The following PAX5 variants were observed in gnomAD, a reference collection of about 807,000 sequenced individuals.
PAX5 encodes the protein paired box protein Pax-5.
Under a neutral mutation model 43.7 loss-of-function variants are expected in PAX5, and 9 were observed. The ratio of observed to expected loss-of-function variants is 0.21; its 90% CI spans 0.12 to 0.36. PAX5 has a LOEUF of 0.36. Among genes scored for constraint, PAX5 ranks in the 10% least tolerant of loss-of-function variants. PAX5 has a pLI of 1.00. For missense variants in PAX5, 383 were observed against 532.7 expected, an observed-to-expected ratio of 0.72 and a Z score of 2.77; for synonymous variants, 228 against 214.3, an observed-to-expected ratio of 1.06 and a Z score of -0.56.
At chr9:36,980,488 A>G (rs1835819759) in intron 5 of PAX5, among the ~76,000 whole-genome samples, 1 of 152,152 alleles carries the variant, frequency 6.6e-6, no homozygotes, top group African/African-American at 2.4e-5. Flanking sequence ...ACTGCCTCCC[A>G]GACAAAATGA....
intron 6 of PAX5, among the ~76,000 whole-genome samples, chr9:36,951,764 T>C (rs1833030470): frequency 6.6e-6 from 1 of 152,222 alleles, no homozygotes; most frequent in African/African-American, 2.4e-5. Flanking sequence ...TTTACCTTTC[T>C]TCTCCCTTAC....
intron 8 of PAX5, among the ~76,000 whole-genome samples, chr9:36,875,111 C>A (rs1051430062): frequency 6.6e-6 from 1 of 152,174 alleles, no homozygotes; most frequent in Non-Finnish European, 1.5e-5. Flanking sequence ...AACCACCCAG[C>A]CTCCCACTGC....
chr9:36,949,420 TAAAGCC>T (rs142097781), intron 6 of PAX5, among the ~76,000 whole-genome samples: 41,681 of 151,928 alleles, frequency 0.27, 6,269 homozygotes, highest in Non-Finnish European at 0.34. Flanking sequence ...AAAGCAGTGG[TAAAGCC>T]AAGTAGATTG....
At chr9:37,026,573 C>T (rs2132537692) in intron 1 of PAX5, 1 of 1,343,476 alleles carries the variant, frequency 7.4e-7, no homozygotes, top group Admixed American at 2.2e-5. Context: ...AGTGTATTTC[C>T]ATCGGGGCGC....
chr9:36,981,353 G>A (rs935307094), intron 5 of PAX5, among the ~76,000 whole-genome samples: 2 of 145,068 alleles, frequency 1.4e-5, no homozygotes, highest in African/African-American at 2.6e-5. Context: ...TCATTGCTGT[G>A]TCCCCAGCAA....
At chr9:37,009,140 C>T (rs529868888) in intron 3 of PAX5, among the ~76,000 whole-genome samples, 55 of 152,250 alleles carry the variant, frequency 3.6e-4, no homozygotes, top group Non-Finnish European at 6.5e-4. Flanking sequence ...TTATGTTTTC[C>T]TCATTTTCTT....
chr9:36,981,461 C>CA (rs1294616263), intron 5 of PAX5, among the ~76,000 whole-genome samples: 2 of 95,852 alleles, frequency 2.1e-5, no homozygotes, highest in East Asian at 6.4e-4. Context: ...AAAACAGGTA[C>CA]AAAGGAGAAG....
At chr9:36,985,765 G>A (rs1459621700) in intron 5 of PAX5, among the ~76,000 whole-genome samples, 2 of 152,166 alleles carry the variant, frequency 1.3e-5, no homozygotes. Flanking sequence ...ATCCAGTCCC[G>A]AACTTCCCAA....
rs369445387 is a variant in PAX5, at chr9:36,956,095, G to A, written c.780+10454C>T. Among the ~76,000 whole-genome samples, 13 of 152,138 alleles carry A rather than the reference G, an allele frequency of 8.5e-5. No individual in the cohort carries two copies. In the East Asian group the frequency reaches 2.3e-3, roughly 27 times the overall value. The stretch of plus-strand genomic sequence containing the variant: ...TGAATTGCAAATATTGGATAGCCTT[G>A]TTTGAGGGGAAATATCTCTACTCAA... On this transcript the variant is annotated intron_variant, in intron 6 of 9. Transcript: ENST00000358127.
rs1208758690 is a variant in PAX5 at position 36,882,274 on chromosome 9, ACACACAC to A, written c.911-176_911-170del. ...CGCTCTCACAAACACACATACACACACACACACACACACACACACACTCATGCACACA... is the reference window on the plus strand; with the variant it reads ...CGCTCTCACAAACACACATACACACAACACACACACACACTCATGCACACA... On this transcript the variant is annotated intron_variant, in intron 7 of 9. Transcript: ENST00000358127. This position sits in a 1 kb window ranked among gnomAD's most constrained non-coding sequence, Gnocchi z 4.4. Among the ~76,000 whole-genome samples, 41 of 132,598 alleles carry A rather than the reference ACACACAC, an allele frequency of 3.1e-4. No homozygotes were observed. In the East Asian group the frequency reaches 9.4e-3, roughly 30 times the overall value. 87.0% of individuals were successfully genotyped at this position (132,598 alleles called of 152,430 possible).
At chr9:36,891,801 C>T (rs1229809922) in intron 7 of PAX5, among the ~76,000 whole-genome samples, 2 of 152,186 alleles carry the variant, frequency 1.3e-5, no homozygotes, top group Admixed American at 6.5e-5. Context: ...TGACTGACCT[C>T]CTTCTAATTG....
intron 7 of PAX5, among the ~76,000 whole-genome samples, chr9:36,899,140 T>C (rs553516132): frequency 6.6e-6 from 1 of 152,304 alleles, no homozygotes; most frequent in East Asian, 1.9e-4. Flanking sequence ...CTCGCCTCCA[T>C]GCCTTAGCAA....
chr9:36,939,903 A>C (rs1381833617), intron 6 of PAX5, among the ~76,000 whole-genome samples: 1 of 150,854 alleles, frequency 6.6e-6, no homozygotes, highest in Non-Finnish European at 1.5e-5. Context: ...CCTCGTGGCC[A>C]CTCTCCTCCT....
intron 7 of PAX5, among the ~76,000 whole-genome samples, chr9:36,919,320 G>A (rs1829955567): frequency 6.6e-6 from 1 of 152,174 alleles, no homozygotes; most frequent in African/African-American, 2.4e-5. Flanking sequence ...TCACCCAAGA[G>A]CTCTGATGGA....
intron 5 of PAX5, among the ~76,000 whole-genome samples, chr9:36,984,142 T>C (rs1330674654): frequency 6.6e-6 from 1 of 152,194 alleles, no homozygotes; most frequent in Non-Finnish European, 1.5e-5. Flanking sequence ...CTCAGCTGTC[T>C]ATACCTAGGT....
At chr9:36,901,561 G>A (rs868563292) in intron 7 of PAX5, among the ~76,000 whole-genome samples, 5 of 152,194 alleles carry the variant, frequency 3.3e-5, no homozygotes, top group Non-Finnish European at 5.9e-5. Context: ...CCAATGAGGA[G>A]AGTGTTAGCC....
chr9:37,027,332 G>A (rs1423151511), intron 1 of PAX5, among the ~76,000 whole-genome samples: 43 of 152,330 alleles, frequency 2.8e-4, no homozygotes, highest in Non-Finnish European at 5.0e-4. Flanking sequence ...GGCCCCCGCT[G>A]CTCGCCCATC....
chr9:36,956,008 C>T (rs1052359091), intron 6 of PAX5, among the ~76,000 whole-genome samples: 5 of 152,024 alleles, frequency 3.3e-5, no homozygotes, highest in South Asian at 4.2e-4. Context: ...GTCAAACTTC[C>T]GACACACCCT....
At chr9:37,024,635 G>A (rs867040183) in intron 1 of PAX5, among the ~76,000 whole-genome samples, 5 of 152,196 alleles carry the variant, frequency 3.3e-5, no homozygotes, top group African/African-American at 1.2e-4. Context: ...AGACTGGCTG[G>A]GGCCCAGCCC....
Sources: gnomAD v4.1 joint callset for allele counts (sites outside exome capture counted in the v4.1 genomes callset) on GRCh38, gnomAD v4.1.1 for gene constraint, Gnocchi (gnomAD v3.1) non-coding constraint, MANE v1.5 for transcripts, NCBI Gene and HGNC (gene_info 2026-07-23, HGNC 2026-07-21) for gene names.